The following PCGF5 variants were observed in gnomAD, a reference collection of about 807,000 sequenced individuals.
The protein encoded by PCGF5 is polycomb group ring finger 5.
Under a neutral mutation model 44.3 loss-of-function variants are expected in PCGF5, and 9 were observed. That is an observed-to-expected ratio of 0.20 (90% CI 0.12 to 0.35). PCGF5 has a LOEUF of 0.35. Among genes scored for constraint, PCGF5 ranks in the 10% least tolerant of loss-of-function variants. The pLI, the probability that PCGF5 is intolerant of heterozygous loss-of-function variation, is 1.00. For missense variants in PCGF5, 146 were observed against 305.3 expected, an observed-to-expected ratio of 0.48 and a Z score of 3.89; for synonymous variants, 95 against 102.5, an observed-to-expected ratio of 0.93 and a Z score of 0.44.
intron 2 of PCGF5, chr10:91,227,706 C>T: frequency 9.6e-7 from 1 of 1,036,942 alleles, no homozygotes; most frequent in Non-Finnish European, 1.2e-6. Context: ...ATCCCGTTGA[C>T]CTCAGGATAC....
In PCGF5 at chr10:91,283,718, TCTG is replaced by T. The variant is rs1846506916; in HGVS notation, c.*5408_*5410del. 2.0e-5 allele frequency: 3 copies of T among 152,230 alleles called. No homozygotes were observed. Among genetic ancestry groups the T allele is most frequent in the Admixed American group, 2.0e-4 (3 of 15,278 alleles). 9.4% of individuals were successfully genotyped at this position (152,230 alleles called of 1,614,324 possible). A position where few individuals can be genotyped will look rare whatever the true frequency, so the allele number is the denominator to read the frequency against. On this transcript the variant is annotated 3_prime_UTR_variant, in exon 10 of 10. Coordinates refer to ENST00000336126, the MANE Select transcript of PCGF5 (RefSeq NM_032373.5). Reference sequence around the variant, plus strand: ...GAGCTTGTTGGGGGAGTACCAGGGTTCTGCTGCTTTCCTGCATCTGAGCAACAC... The same window carrying T: ...GAGCTTGTTGGGGGAGTACCAGGGTTCTGCTTTCCTGCATCTGAGCAACAC...
chr10:91,241,906 A>G (rs1000839421), intron 3 of PCGF5, among the ~76,000 whole-genome samples: 2 of 152,180 alleles, frequency 1.3e-5, no homozygotes, highest in African/African-American at 4.8e-5. Context: ...GTATCATGTT[A>G]GAAGTGACAG....
intron 1 of PCGF5, among the ~76,000 whole-genome samples, chr10:91,169,252 T>A (rs937229728): frequency 2.0e-5 from 3 of 152,134 alleles, no homozygotes; most frequent in Non-Finnish European, 4.4e-5. Context: ...ACCCTAATCA[T>A]GATGCAAATA....
At chr10:91,251,691 C>A (rs1845627391) in intron 6 of PCGF5, among the ~76,000 whole-genome samples, 1 of 151,972 alleles carries the variant, frequency 6.6e-6, no homozygotes, top group African/African-American at 2.4e-5. Context: ...CCTTTTATAC[C>A]TTTGCTGGAA....
intron 2 of PCGF5, among the ~76,000 whole-genome samples, chr10:91,239,555 G>A (rs1845267347): frequency 6.6e-6 from 1 of 152,144 alleles, no homozygotes; most frequent in African/African-American, 2.4e-5. Context: ...GAGTAGGAGA[G>A]CCAATCTATA....
intron 1 of PCGF5, among the ~76,000 whole-genome samples, chr10:91,167,504 G>A (rs146982591): frequency 1.4e-4 from 21 of 152,278 alleles, no homozygotes; most frequent in Admixed American, 8.5e-4. Flanking sequence ...GACTTCAATC[G>A]GCAAAAATGT....
rs963745372 is a variant in PCGF5, at chr10:91,281,534, T to C, written c.*3218T>C. 3 of 152,624 alleles carry C rather than the reference T, an allele frequency of 2.0e-5. No homozygotes were observed. The highest frequency in any genetic ancestry group is 4.4e-5 in the Non-Finnish European group (3 of 67,992). The allele number at this position is 152,624 out of a possible 1,614,324, so 9.5% of individuals were successfully genotyped here. ...TACCTGTCTCTTATGAATGGTTTCATATCTAAATAGGCTCTTGTAAGTTAA... is the reference window on the plus strand; with the variant it reads ...TACCTGTCTCTTATGAATGGTTTCACATCTAAATAGGCTCTTGTAAGTTAA... On this transcript the variant is annotated 3_prime_UTR_variant, in exon 10 of 10. Coordinates refer to ENST00000336126, the MANE Select transcript of PCGF5 (RefSeq NM_032373.5).
chr10:91,157,164 T>C, the PCGF5 span, among the ~76,000 whole-genome samples: 7 of 152,232 alleles, frequency 4.6e-5, no homozygotes, highest in East Asian at 9.6e-4. Flanking sequence ...CAAATAGTTA[T>C]TGCAACTATT....
intron 8 of PCGF5, among the ~76,000 whole-genome samples, chr10:91,269,903 T>C (rs1194545500): frequency 6.6e-6 from 1 of 152,232 alleles, no homozygotes; most frequent in African/African-American, 2.4e-5. Context: ...TTTGCTGTTA[T>C]GTGTTACAGC....
intron 1 of PCGF5, among the ~76,000 whole-genome samples, chr10:91,179,818 A>G (rs1276081054): frequency 6.6e-6 from 1 of 152,166 alleles, no homozygotes; most frequent in African/African-American, 2.4e-5. Context: ...ATATGCATGC[A>G]TGTGTCTTTT....
At chr10:91,239,677 T>G (rs185608732) in intron 2 of PCGF5, among the ~76,000 whole-genome samples, 2 of 152,240 alleles carry the variant, frequency 1.3e-5, no homozygotes, top group African/African-American at 4.8e-5. Context: ...TCTAAGGTTT[T>G]GGGGCAAAAC....
At chr10:91,200,751 T>C (rs531413230) in intron 1 of PCGF5, among the ~76,000 whole-genome samples, 3 of 152,250 alleles carry the variant, frequency 2.0e-5, no homozygotes, top group African/African-American at 7.2e-5. Context: ...TTTGTGGTCA[T>C]TGGACAGTGG....
chr10:91,214,193 T>C (rs1380234527), intron 1 of PCGF5, among the ~76,000 whole-genome samples: 1 of 151,920 alleles, frequency 6.6e-6, no homozygotes, highest in African/African-American at 2.4e-5. Context: ...TCCCAGCTAC[T>C]CTGGAGGTTG....
At chr10:91,238,844 T>C (rs955344129) in intron 2 of PCGF5, among the ~76,000 whole-genome samples, 7 of 152,054 alleles carry the variant, frequency 4.6e-5, no homozygotes, top group African/African-American at 1.7e-4. Context: ...TATTCAATTG[T>C]ACATAATAGC....
At chr10:91,157,939 T>C in the PCGF5 span, among the ~76,000 whole-genome samples, 2 of 152,206 alleles carry the variant, frequency 1.3e-5, no homozygotes, top group Non-Finnish European at 1.5e-5. Context: ...GAAGGTAGAT[T>C]TCAGGAATTC....
At position 91,209,765 on chromosome 10, in the gene PCGF5, AG is replaced by A. The variant is rs1844413488; in HGVS notation, c.-183-12923del. On this transcript the variant is annotated intron_variant, in intron 1 of 9. Coordinates refer to the PCGF5 transcript ENST00000614189. ...GCAACAGAGCGAGACTCCGTCTCGA[AG>A]AAAAAAAAAGAAAAAAAAAAAAAAA... 2.6e-5 allele frequency among the ~76,000 whole-genome samples: 3 copies of A among 113,256 alleles called. 1 individual carries two copies. Among genetic ancestry groups the A allele is most frequent in the Non-Finnish European group, 5.7e-5 (3 of 52,780 alleles). The allele number at this position is 113,256 out of a possible 152,430, so 74.3% of individuals were successfully genotyped here.
chr10:91,278,332 C>T lies in PCGF5; in HGVS notation c.*16C>T. On this transcript the variant is annotated 3_prime_UTR_variant, in exon 10 of 10. Transcript: ENST00000336126. ...TTTCGGTTAGACCAAGGGGCCCAGA[C>T]CTCACTGAGATGAATCCTGCACTAT... The T allele has an allele frequency of 6.2e-7, 1 of 1,603,822 alleles. No homozygotes were observed. The highest frequency in any genetic ancestry group is 2.2e-5 in the East Asian group (1 of 44,832).
chr10:91,166,678 C>A (rs577565575), intron 1 of PCGF5, among the ~76,000 whole-genome samples: 9 of 152,238 alleles, frequency 5.9e-5, no homozygotes, highest in African/African-American at 2.2e-4. Flanking sequence ...AATAGAAAAG[C>A]CTAGACTTTG....
chr10:91,235,689 T>C (rs1299456250), intron 2 of PCGF5, among the ~76,000 whole-genome samples: 1 of 152,164 alleles, frequency 6.6e-6, no homozygotes, highest in Non-Finnish European at 1.5e-5. Flanking sequence ...GGCGGGTCTT[T>C]CTCACGCTGT....
Sources: gnomAD v4.1 joint callset for allele counts (sites outside exome capture counted in the v4.1 genomes callset) on GRCh38, gnomAD v4.1.1 for gene constraint, MANE v1.5 for transcripts, NCBI Gene and HGNC (gene_info 2026-07-23, HGNC 2026-07-21) for gene names.